VAV3: variants seen among roughly 807,000 people sequenced by gnomAD.
The protein encoded by VAV3 is guanine nucleotide exchange factor VAV3.
VAV3 carries 94 observed loss-of-function variants against 131.2 expected under a neutral mutation model. The observed-to-expected ratio is 0.72, with a 90% confidence interval of 0.61 to 0.85. The LOEUF (loss-of-function observed/expected upper bound fraction) is 0.85, where lower values mean the gene tolerates loss of function less well. Ranked by LOEUF, VAV3 falls within the 40% of genes least tolerant of loss-of-function variation. The probability of loss-of-function intolerance (pLI) is 0.00; values close to 1 mark genes in which losing one functional copy is unlikely to be tolerated. For synonymous variants in VAV3, 349 were observed against 342.0 expected (o/e 1.02, Z -0.22); for missense variants, 939 against 1,002.7 (o/e 0.94, Z 0.86).
intron 1 of VAV3, among the ~76,000 whole-genome samples, chr1:107,944,858 G>A (rs923253906): frequency 1.2e-4 from 18 of 152,106 alleles, no homozygotes; most frequent in African/African-American, 2.7e-4. Context: ...CGCCCGCCTC[G>A]GCCTCCCAAA....
intron 20 of VAV3, among the ~76,000 whole-genome samples, chr1:107,636,151 A>T (rs1172708448): frequency 6.6e-6 from 1 of 152,232 alleles, no homozygotes; most frequent in African/African-American, 2.4e-5. Flanking sequence ...GAAAGACTTT[A>T]ACAAGAAATT....
intron 2 of VAV3, among the ~76,000 whole-genome samples, chr1:107,819,632 AC>A (rs1667709440): frequency 6.6e-6 from 1 of 152,162 alleles, no homozygotes; most frequent in Non-Finnish European, 1.5e-5. Context: ...AAAATATATC[AC>A]TTTTTAAACC....
chr1:107,750,838 T>C (rs1490335225), intron 13 of VAV3, among the ~76,000 whole-genome samples: 1 of 152,232 alleles, frequency 6.6e-6, no homozygotes, highest in Non-Finnish European at 1.5e-5. Context: ...AGTTATCTGT[T>C]CTTACTTTAT....
intron 1 of VAV3, among the ~76,000 whole-genome samples, chr1:107,916,828 C>A (rs1672644765): frequency 6.6e-6 from 1 of 151,988 alleles, no homozygotes; most frequent in Non-Finnish European, 1.5e-5. Context: ...AGAACAATGT[C>A]ACAAGAAGGA....
At chr1:107,631,851 C>T (rs1474778966) in intron 20 of VAV3, among the ~76,000 whole-genome samples, 1 of 151,952 alleles carries the variant, frequency 6.6e-6, no homozygotes, top group Non-Finnish European at 1.5e-5. Flanking sequence ...TGTATATCTG[C>T]CACATTTTCT....
chr1:107,670,327 A>T (rs1462742075), intron 19 of VAV3, among the ~76,000 whole-genome samples: 1 of 152,160 alleles, frequency 6.6e-6, no homozygotes, highest in Non-Finnish European at 1.5e-5. Flanking sequence ...CTGGATCCAG[A>T]TCTCTCTGAT....
At chr1:107,609,552 A>AAAT (rs1553174331) in intron 22 of VAV3, 6 of 156,028 alleles carry the variant, frequency 3.8e-5, no homozygotes, top group South Asian at 2.1e-4. Context: ...ATAAAAAATA[A>AAAT]AAAAAAAAAC....
chr1:107,691,183 C>T (rs568144952), intron 17 of VAV3, among the ~76,000 whole-genome samples: 2 of 152,106 alleles, frequency 1.3e-5, no homozygotes, highest in East Asian at 3.9e-4. Context: ...TGTTCACTGA[C>T]ACTAAAATAA....
chr1:107,653,338 TACAA>T (rs1181272103), intron 19 of VAV3, among the ~76,000 whole-genome samples: 1 of 151,948 alleles, frequency 6.6e-6, no homozygotes, highest in Non-Finnish European at 1.5e-5. Context: ...CTACCCTTCT[TACAA>T]ACATTCTTCC....
chr1:107,931,872 T>C (rs1453020677), intron 1 of VAV3, among the ~76,000 whole-genome samples: 1 of 152,254 alleles, frequency 6.6e-6, no homozygotes, highest in African/African-American at 2.4e-5. Context: ...CTCACCATTT[T>C]ATTTCAAATT....
intron 2 of VAV3, among the ~76,000 whole-genome samples, chr1:107,844,292 T>C (rs1195812569): frequency 6.6e-6 from 1 of 152,136 alleles, no homozygotes; most frequent in Non-Finnish European, 1.5e-5. Context: ...CCGGCCCAGA[T>C]ACTATGTTTT....
intron 2 of VAV3, among the ~76,000 whole-genome samples, chr1:107,800,628 C>CT (rs1332037705): frequency 2.6e-5 from 4 of 152,138 alleles, no homozygotes; most frequent in Non-Finnish European, 5.9e-5. Flanking sequence ...AATGATCCCA[C>CT]CACCCAGGTA....
At chr1:107,669,398 T>C in intron 19 of VAV3, 2 of 1,289,786 alleles carry the variant, frequency 1.6e-6, no homozygotes, top group South Asian at 1.2e-5. Context: ...AATTTCTTGT[T>C]CTTCTTTTGG....
chr1:107,961,377 G>A (rs1258168634), intron 1 of VAV3, among the ~76,000 whole-genome samples: 1 of 152,022 alleles, frequency 6.6e-6, no homozygotes, highest in African/African-American at 2.4e-5. Flanking sequence ...CCCAACCCCA[G>A]CATGTGCCGC....
At chr1:107,828,085 T>G (rs1668089924) in intron 2 of VAV3, among the ~76,000 whole-genome samples, 1 of 152,116 alleles carries the variant, frequency 6.6e-6, no homozygotes, top group African/African-American at 2.4e-5. Flanking sequence ...CAAGACAGTT[T>G]TGGTGAGTGA....
intron 19 of VAV3, among the ~76,000 whole-genome samples, chr1:107,679,175 G>C (rs1175272396): frequency 6.6e-6 from 1 of 152,140 alleles, no homozygotes. Context: ...ACCTGAAAGA[G>C]GAAGTGACCA....
intron 1 of VAV3, among the ~76,000 whole-genome samples, chr1:107,954,970 C>T (rs180682076): frequency 5.3e-5 from 8 of 152,272 alleles, no homozygotes; most frequent in African/African-American, 1.9e-4. Flanking sequence ...GCCTGCCTCA[C>T]GGTGTTGGAC....
Position 107,753,493 on chromosome 1 carries a change from T to TACACATATATATACAC in VAV3, c.1173+1933_1173+1934insGTGTATATATATGTGT, listed in dbSNP as rs1553201225. Among the ~76,000 whole-genome samples the TACACATATATATACAC allele has an allele frequency of 3.6e-5, 4 of 111,610 alleles. No individual in the cohort carries two copies. In the East Asian group the frequency reaches 8.3e-4, roughly 23 times the overall value. 73.2% of individuals were successfully genotyped at this position (111,610 alleles called of 152,430 possible). On this transcript the variant is annotated intron_variant, in intron 12 of 26. Transcript: ENST00000370056. The stretch of plus-strand genomic sequence containing the variant: ...GTATGTATGTGTGTGTGTATATATA[T>TACACATATATATACAC]ACACACATATATATACACACATATA...
At chr1:107,705,826 C>G (rs1172755382) in intron 15 of VAV3, among the ~76,000 whole-genome samples, 1 of 152,120 alleles carries the variant, frequency 6.6e-6, no homozygotes, top group Non-Finnish European at 1.5e-5. Flanking sequence ...GACACTTACT[C>G]TAAAGTAGAG....
Sources: gnomAD v4.1 joint callset for allele counts (sites outside exome capture counted in the v4.1 genomes callset) on GRCh38, gnomAD v4.1.1 for gene constraint, MANE v1.5 for transcripts, NCBI Gene and HGNC (gene_info 2026-07-23, HGNC 2026-07-21) for gene names.